ITFG1: variants seen among roughly 807,000 people sequenced by gnomAD.
ITFG1 encodes T-cell immunomodulatory protein.
In ITFG1, 34 loss-of-function variants were observed where a neutral mutation model predicts 81.8. That is an observed-to-expected ratio of 0.42 (90% CI 0.32 to 0.55). ITFG1 has a LOEUF of 0.55. ITFG1 is among the 20% of genes least tolerant of loss of function. The pLI is 0.17. For missense variants in ITFG1, 672 were observed against 755.4 expected (o/e 0.89, Z 1.29); for synonymous variants, 285 against 270.6 (o/e 1.05, Z -0.52).
chr16:47,264,981 G>T (rs1276556491), intron 10 of ITFG1, among the ~76,000 whole-genome samples: 1 of 152,040 alleles, frequency 6.6e-6, no homozygotes, highest in Non-Finnish European at 1.5e-5. Context: ...ATCCTTGTTT[G>T]TAAGATGGAA....
intron 12 of ITFG1, among the ~76,000 whole-genome samples, chr16:47,239,481 G>A (rs1965910373): frequency 6.6e-6 from 1 of 152,172 alleles, no homozygotes; most frequent in African/African-American, 2.4e-5. Context: ...TTACAGGTGT[G>A]AGCCACTGGG....
chr16:47,279,434 C>T (rs558410958), intron 10 of ITFG1, among the ~76,000 whole-genome samples: 3 of 152,210 alleles, frequency 2.0e-5, no homozygotes, highest in South Asian at 2.1e-4. Context: ...TCTTAAACAC[C>T]GTTAGCTGTA....
chr16:47,325,318 C>G (rs200894304), intron 8 of ITFG1, among the ~76,000 whole-genome samples: 1 of 151,404 alleles, frequency 6.6e-6, no homozygotes, highest in African/African-American at 2.4e-5. Flanking sequence ...GGGACACATT[C>G]AAAGCAGTGT....
intron 10 of ITFG1, among the ~76,000 whole-genome samples, chr16:47,277,123 A>G (rs1267938335): frequency 6.6e-6 from 1 of 152,204 alleles, no homozygotes; most frequent in African/African-American, 2.4e-5. Flanking sequence ...AGTTATCATT[A>G]CTATTGTGGC....
chr16:47,297,468 T>C (rs757498562), intron 10 of ITFG1, among the ~76,000 whole-genome samples: 1 of 152,210 alleles, frequency 6.6e-6, no homozygotes, highest in Non-Finnish European at 1.5e-5. Context: ...TGGTAAGTAC[T>C]AACCCTTTGT....
At chr16:47,353,077 G>T (rs1258398322) in intron 8 of ITFG1, among the ~76,000 whole-genome samples, 1 of 151,764 alleles carries the variant, frequency 6.6e-6, no homozygotes, top group Non-Finnish European at 1.5e-5. Flanking sequence ...GGTGAGGGGG[G>T]AGGGATAGCA....
chr16:47,343,188 T>C (rs766074040), intron 8 of ITFG1, among the ~76,000 whole-genome samples: 1 of 152,028 alleles, frequency 6.6e-6, no homozygotes, highest in African/African-American at 2.4e-5. Flanking sequence ...AATAAACACA[T>C]AGACGTATGG....
intron 5 of ITFG1, among the ~76,000 whole-genome samples, chr16:47,450,812 T>C (rs1482322011): frequency 6.6e-6 from 1 of 152,182 alleles, no homozygotes; most frequent in Non-Finnish European, 1.5e-5. Context: ...ACCAGTTCTA[T>C]TTAAATCCAG....
chr16:47,420,319 T>C (rs571850558), intron 6 of ITFG1, among the ~76,000 whole-genome samples: 7 of 152,328 alleles, frequency 4.6e-5, no homozygotes, highest in Non-Finnish European at 1.0e-4. Flanking sequence ...TCTGTAGCTG[T>C]GGGATAAAAT....
At chr16:47,411,004 C>T (rs1348586402) in intron 6 of ITFG1, among the ~76,000 whole-genome samples, 2 of 152,172 alleles carry the variant, frequency 1.3e-5, no homozygotes, top group African/African-American at 4.8e-5. Flanking sequence ...CAGAGCATGC[C>T]CACAGCACAA....
chr16:47,182,253 A>G (rs1368713301), intron 14 of ITFG1, among the ~76,000 whole-genome samples: 2 of 152,062 alleles, frequency 1.3e-5, no homozygotes, highest in Non-Finnish European at 2.9e-5. Flanking sequence ...GCAAATATGT[A>G]TTAAGGGATG....
chr16:47,386,153 T>G (rs140067612), intron 6 of ITFG1, among the ~76,000 whole-genome samples: 2 of 152,164 alleles, frequency 1.3e-5, no homozygotes, highest in African/African-American at 4.8e-5. Flanking sequence ...TGCTCTCCAG[T>G]AAAACAAGCA....
chr16:47,392,254 A>G (rs1462184485), intron 6 of ITFG1, among the ~76,000 whole-genome samples: 1 of 152,174 alleles, frequency 6.6e-6, no homozygotes, highest in African/African-American at 2.4e-5. Context: ...GTCTCTACAA[A>G]AAACCCTCAA....
chr16:47,175,277 T>C (rs1965010475), intron 14 of ITFG1, among the ~76,000 whole-genome samples: 1 of 151,862 alleles, frequency 6.6e-6, no homozygotes, highest in Admixed American at 6.6e-5. Flanking sequence ...ATAATATTAT[T>C]ATCTTTATCA....
At chr16:47,258,117 T>C (rs1966160673) in intron 12 of ITFG1, among the ~76,000 whole-genome samples, 1 of 152,156 alleles carries the variant, frequency 6.6e-6, no homozygotes, top group Non-Finnish European at 1.5e-5. Flanking sequence ...TAGAGAAACT[T>C]GGTGATCATC....
chr16:47,380,048 CAAAAAAAAAAA>C (rs763213367), intron 6 of ITFG1, among the ~76,000 whole-genome samples: 13 of 49,102 alleles, frequency 2.6e-4, no homozygotes, highest in Non-Finnish European at 5.6e-4. Context: ...CTTGGGTAGC[CAAAAAAAAAAA>C]AAAAAAAAAA....
chr16:47,370,078 G>A (rs1968232097), intron 7 of ITFG1, among the ~76,000 whole-genome samples: 1 of 151,946 alleles, frequency 6.6e-6, no homozygotes, highest in Non-Finnish European at 1.5e-5. Context: ...CTGACCTCGT[G>A]ATCCACCCAC....
intron 13 of ITFG1, among the ~76,000 whole-genome samples, chr16:47,226,461 T>G (rs1429875175): frequency 6.6e-6 from 1 of 152,148 alleles, no homozygotes; most frequent in Non-Finnish European, 1.5e-5. Flanking sequence ...CACGTTGGTG[T>G]GCTGCACCCA....
chr16:47,201,509 G>T lies in ITFG1; in HGVS notation c.1453+17359C>A, dbSNP rs138759542. On this transcript the variant is annotated intron_variant, in intron 14 of 17. Coordinates refer to ENST00000320640, the MANE Select transcript of ITFG1 (RefSeq NM_030790.5). The stretch of plus-strand genomic sequence containing the variant: ...GGTGTGAGCCACCGTGCCCGGCTAG[G>T]AGAAAATTTTTATTTTGCCCTTATT... Among the ~76,000 whole-genome samples, 1,079 of 152,144 alleles carry T rather than the reference G, an allele frequency of 7.1e-3. 15 individuals carry two copies. Among genetic ancestry groups the T allele is most frequent in the African/African-American group, 0.025 (1,034 of 41,510 alleles).
Sources: gnomAD v4.1 joint callset for allele counts (sites outside exome capture counted in the v4.1 genomes callset) on GRCh38, gnomAD v4.1.1 for gene constraint, MANE v1.5 for transcripts, NCBI Gene and HGNC (gene_info 2026-07-23, HGNC 2026-07-21) for gene names.